The following PHAF1 variants were observed in gnomAD, a reference collection of about 807,000 sequenced individuals.
PHAF1 encodes the protein phagophore assembly factor 1, also known as phagosome assembly factor 1.
Under a neutral mutation model 63.1 loss-of-function variants are expected in PHAF1, and 23 were observed. The observed-to-expected ratio is 0.36, with a 90% CI of 0.26 to 0.52. The LOEUF (loss-of-function observed/expected upper bound fraction) is 0.52. Ranked by LOEUF, PHAF1 falls within the 20% of genes least tolerant of loss-of-function variation. The pLI, the probability that PHAF1 is intolerant of heterozygous loss-of-function variation, is 0.93. For missense variants in PHAF1, 427 were observed against 517.2 expected (o/e 0.83, Z 1.69); for synonymous variants, 167 against 185.0 (o/e 0.90, Z 0.79).
chr16:67,140,011 CCAAGATGCG>C lies in PHAF1; in HGVS notation c.690_698del (p.Lys231_Arg233del). ...TGTGGACCTGGCCTATTAGCAGATG[CCAAGATGCG>C]GGTATTTGAACGTTCAGTGTATTTT... On this transcript the variant is annotated inframe_deletion, in exon 9 of 16. Transcript: ENST00000219139. 3 of 1,614,058 alleles carry C rather than the reference CCAAGATGCG, an allele frequency of 1.9e-6. No individual in the cohort carries two copies. Among genetic ancestry groups the C allele is most frequent in the Non-Finnish European group, 2.5e-6 (3 of 1,180,000 alleles).
chr16:67,119,675 T>G (rs2145830804), intron 1 of PHAF1, among the ~76,000 whole-genome samples: 1 of 150,138 alleles, frequency 6.7e-6, no homozygotes, highest in South Asian at 2.1e-4. Context: ...GGCAGCCACC[T>G]CGCCTGGCTA....
At chr16:67,122,831 C>T (rs1475852736) in intron 2 of PHAF1, among the ~76,000 whole-genome samples, 7 of 152,132 alleles carry the variant, frequency 4.6e-5, no homozygotes, top group African/African-American at 1.2e-4. Flanking sequence ...CAGGCTCAAC[C>T]GATTCTCCTG....
chr16:67,131,395 T>TG, intron 4 of PHAF1, 66 bp downstream of exon 4: 7 of 1,150,382 alleles, frequency 6.1e-6, no homozygotes, highest in Non-Finnish European at 7.5e-6. Flanking sequence ...ACTATCTTCA[T>TG]AAGTTAGTAA....
intron 6 of PHAF1, 121 bp downstream of exon 6, chr16:67,133,032 T>A: frequency 2.4e-6 from 2 of 831,522 alleles, no homozygotes; most frequent in African/African-American, 1.7e-5. Flanking sequence ...TTGGTTTCCA[T>A]GTATTTGAGC....
In PHAF1 at chr16:67,110,154, C is replaced by A; in HGVS notation, c.-22C>A. Reference sequence around the variant, plus strand: ...TTCTGCGCTGCCGCAGGGAGGCCGCCCGGGCCAGGCGAGCCGAACCAATGC... The same window carrying A: ...TTCTGCGCTGCCGCAGGGAGGCCGCACGGGCCAGGCGAGCCGAACCAATGC... On this transcript the variant is annotated 5_prime_UTR_variant, in exon 1 of 16. Transcript: ENST00000219139. The A allele has an allele frequency of 6.4e-7, 1 of 1,550,596 alleles. No homozygotes were observed. The highest frequency in any genetic ancestry group is 1.2e-5 in the South Asian group (1 of 84,016).
At chr16:67,146,201 C>T in intron 14 of PHAF1, 77 bp from the exon 15 acceptor site, 2 of 1,329,044 alleles carry the variant, frequency 1.5e-6, no homozygotes, top group East Asian at 2.3e-5. Flanking sequence ...TATCCCATAC[C>T]CCAGAAAAGA....
rs1041170649 is a variant in PHAF1 at position 67,148,050 on chromosome 16, A to G, written c.*919A>G. The G allele has an allele frequency of 2.0e-5, 3 of 152,688 alleles. No individual in the cohort carries two copies. The highest frequency in any genetic ancestry group is 2.9e-5 in the Non-Finnish European group (2 of 68,056). The allele number at this position is 152,688 out of a possible 1,614,324, so 9.5% of individuals were successfully genotyped here. A position where few individuals can be genotyped will look rare whatever the true frequency, so the allele number is the denominator to read the frequency against. On this transcript the variant is annotated 3_prime_UTR_variant, in exon 16 of 16. Coordinates refer to ENST00000219139, the MANE Select transcript of PHAF1 (RefSeq NM_025187.5). Reference sequence around the variant, plus strand: ...GGGTCTTGCTAATGGAAAGTAGCATATATGTGCTTTAAAAATATTAATCCT... The same window carrying G: ...GGGTCTTGCTAATGGAAAGTAGCATGTATGTGCTTTAAAAATATTAATCCT...
intron 9 of PHAF1, 56 bp from the exon 10 acceptor site, chr16:67,140,455 A>C: frequency 7.3e-7 from 1 of 1,366,286 alleles, no homozygotes; most frequent in Non-Finnish European, 1.0e-6. Flanking sequence ...CTTTCAGTTA[A>C]TCCAGAACTA....
Position 67,132,876 on chromosome 16 carries a change from C to T in PHAF1, c.415C>T (p.Gln139Ter). 6.2e-7 allele frequency: 1 copy of T among 1,613,518 alleles called. No homozygotes were observed. The highest frequency in any genetic ancestry group is 8.5e-7 in the Non-Finnish European group (1 of 1,179,408). ...CTTCAGAGGACTGTCTTTCTCTTTT[C>T]AGTTAGACTCATGGACTGAGGCTCC... ...LNFRGLSFSF[Q>*]LDSWTEAPKY... The change falls in exon 6 of 16, where the codon CAG becomes TAG. Residue 139 changes from glutamine (Q) to a stop codon, truncating the protein, a stop_gained. Transcript: ENST00000219139. LOFTEE classifies it high-confidence loss of function.
chr16:67,140,402 T>C, intron 9 of PHAF1, 109 bp from the exon 10 acceptor site: 1 of 1,036,606 alleles, frequency 9.6e-7, no homozygotes, highest in Admixed American at 1.9e-5. Context: ...CCACTCTTGC[T>C]TGTTCCGCAG....
At chr16:67,143,476 G>A (rs996320725) in intron 10 of PHAF1, among the ~76,000 whole-genome samples, 8 of 152,160 alleles carry the variant, frequency 5.3e-5, no homozygotes, top group Non-Finnish European at 1.2e-4. Flanking sequence ...CTGCATCCTC[G>A]GATTCTCTTG....
chr16:67,124,563 T>A (rs955556822), intron 2 of PHAF1, among the ~76,000 whole-genome samples: 30 of 152,192 alleles, frequency 2.0e-4, no homozygotes, highest in African/African-American at 7.0e-4. Flanking sequence ...TCATTCACTT[T>A]GTCTAACTTG....
intron 3 of PHAF1, among the ~76,000 whole-genome samples, chr16:67,126,697 T>C (rs1292209024): frequency 6.6e-6 from 1 of 150,404 alleles, no homozygotes; most frequent in East Asian, 2.0e-4. Context: ...CAAGCGATTC[T>C]TCTGCCTCAG....
At chr16:67,137,634 G>T (rs1325101469) in intron 8 of PHAF1, among the ~76,000 whole-genome samples, 1 of 152,138 alleles carries the variant, frequency 6.6e-6, no homozygotes, top group Non-Finnish European at 1.5e-5. Context: ...TATAGTTTTT[G>T]AGAGAATTGA....
intron 4 of PHAF1, among the ~76,000 whole-genome samples, chr16:67,131,627 C>T (rs915074164): frequency 2.2e-4 from 33 of 152,248 alleles, no homozygotes; most frequent in Non-Finnish European, 1.6e-4. Context: ...GCTGCCCTCC[C>T]GCTGACAGCC....
At chr16:67,140,961 G>A (rs1202338098) in intron 10 of PHAF1, among the ~76,000 whole-genome samples, 1 of 152,236 alleles carries the variant, frequency 6.6e-6, no homozygotes, top group East Asian at 1.9e-4. Flanking sequence ...ATTGGAGACA[G>A]TGGGGTGTGC....
rs540049566 is a variant in PHAF1, at chr16:67,119,522, CT to C, written c.65-574del. ...AAAAGGGTCCATGCATCATACGCAT[CT>C]TTTTTTTTTTTTTTTATAGACAGAG... is the stretch of plus-strand genomic sequence containing the variant. On this transcript the variant is annotated intron_variant, in intron 1 of 15. Coordinates refer to ENST00000219139, the MANE Select transcript of PHAF1 (RefSeq NM_025187.5). Among the ~76,000 whole-genome samples, 1,365 of 138,496 alleles carry C rather than the reference CT, an allele frequency of 9.9e-3. 4 individuals carry two copies. The highest frequency in any genetic ancestry group is 0.022 in the African/African-American group (847 of 37,988). The allele number at this position is 138,496 out of a possible 152,430, so 90.9% of individuals were successfully genotyped here.
chr16:67,117,173 C>T (rs1351667368), intron 1 of PHAF1, among the ~76,000 whole-genome samples: 2 of 149,890 alleles, frequency 1.3e-5, no homozygotes, highest in Non-Finnish European at 3.0e-5. Context: ...GCTGGGACTA[C>T]AGGCACACAC....
chr16:67,141,449 G>A (rs1437462031), intron 10 of PHAF1, among the ~76,000 whole-genome samples: 4 of 152,344 alleles, frequency 2.6e-5, no homozygotes, highest in Middle Eastern at 6.8e-3. Context: ...TACTTTGGCC[G>A]GTGGCACCTT....
Sources: allele counts gnomAD v4.1 joint callset (sites outside exome capture counted in the v4.1 genomes callset), GRCh38; gene constraint gnomAD v4.1.1; transcripts MANE v1.5; gene names NCBI Gene and HGNC (gene_info 2026-07-23, HGNC 2026-07-21).